The following AGPAT4 variants were observed in gnomAD, a reference collection of about 807,000 sequenced individuals.
AGPAT4 encodes the protein 1-acylglycerol-3-phosphate O-acyltransferase 4.
AGPAT4 carries 15 observed loss-of-function variants against 48.0 expected under a neutral mutation model. That is an observed-to-expected ratio of 0.31 (90% CI 0.21 to 0.48). AGPAT4 has a LOEUF of 0.48. Ranked by LOEUF, AGPAT4 falls within the 20% of genes least tolerant of loss-of-function variation. The pLI, the probability that AGPAT4 is intolerant of heterozygous loss-of-function variation, is 0.99. For synonymous variants in AGPAT4, 178 were observed against 198.7 expected (o/e 0.90, Z 0.88); for missense variants, 314 against 482.5 (o/e 0.65, Z 3.27).
rs183691175 is a variant in AGPAT4 at position 161,148,826 on chromosome 6, G to A, written c.767+361C>T. Among the ~76,000 whole-genome samples the A allele has an allele frequency of 7.2e-5, 11 of 152,234 alleles. No homozygotes were observed. Among genetic ancestry groups the A allele is most frequent in the East Asian group, 3.9e-4 (2 of 5,184 alleles). On this transcript the variant is annotated intron_variant, in intron 6 of 8. Transcript: ENST00000320285. This position sits in a 1 kb window ranked among gnomAD's most constrained non-coding sequence, Gnocchi z 5.5. Reference sequence around the variant, plus strand: ...AGAGTTCTGCATTTGTGTCTAGACCGCCTTATATAAATACACATCTGTGTG... The same window carrying A: ...AGAGTTCTGCATTTGTGTCTAGACCACCTTATATAAATACACATCTGTGTG...
rs566153510 is a variant in AGPAT4, at chr6:161,261,220, A to G, written c.-90+12718T>C. On this transcript the variant is annotated intron_variant, in intron 1 of 8. Coordinates refer to ENST00000320285, the MANE Select transcript of AGPAT4 (RefSeq NM_020133.3). The surrounding 1 kb of genome is among the most constrained non-coding windows in gnomAD (Gnocchi z 5.3). ...CCCTGTTTCTCATGGCCCCTTCTCT[A>G]TTAGCCATGAAGCTCACTGTCACAG... Among the ~76,000 whole-genome samples, 15 of 152,190 alleles carry G rather than the reference A, an allele frequency of 9.9e-5. No homozygotes were observed. In the South Asian group the frequency reaches 1.0e-3, roughly 11 times the overall value.
chr6:161,205,318 C>T (rs1455915733), intron 2 of AGPAT4, among the ~76,000 whole-genome samples: 1 of 152,108 alleles, frequency 6.6e-6, no homozygotes, highest in Non-Finnish European at 1.5e-5. Context: ...TGAGAACCAA[C>T]CCAAAGAGGA....
rs886551828 is a variant in AGPAT4, at chr6:161,158,949, T to C, written c.349-4639A>G. 2.6e-5 allele frequency among the ~76,000 whole-genome samples: 4 copies of C among 152,206 alleles called. No homozygotes were observed. Among genetic ancestry groups the C allele is most frequent in the African/African-American group, 7.2e-5 (3 of 41,458 alleles). On this transcript the variant is annotated intron_variant, in intron 3 of 8. Coordinates refer to ENST00000320285, the MANE Select transcript of AGPAT4 (RefSeq NM_020133.3). The surrounding 1 kb of genome is among the most constrained non-coding windows in gnomAD (Gnocchi z 5.3). Reference sequence around the variant, plus strand: ...TTGTTTGCAAACGTCCAGTCATTCATGAAGGTTTCCCAGTAGGGTTACCAG... The same window carrying C: ...TTGTTTGCAAACGTCCAGTCATTCACGAAGGTTTCCCAGTAGGGTTACCAG...
rs1395274856 is a variant in AGPAT4 at position 161,214,020 on chromosome 6, C to T, written c.178+18016G>A. 6.6e-6 allele frequency among the ~76,000 whole-genome samples: 1 copy of T among 152,156 alleles called. No homozygotes were observed. Among genetic ancestry groups the T allele is most frequent in the African/African-American group, 2.4e-5 (1 of 41,438 alleles). ...TGGGAACTGTTTAGGGCAAACGTGCCACCCATTCTATTCAAAGGCATCCCT... is the reference window on the plus strand; with the variant it reads ...TGGGAACTGTTTAGGGCAAACGTGCTACCCATTCTATTCAAAGGCATCCCT... On this transcript the variant is annotated intron_variant, in intron 2 of 8. Coordinates refer to ENST00000320285, the MANE Select transcript of AGPAT4 (RefSeq NM_020133.3). This position sits in a 1 kb window ranked among gnomAD's most constrained non-coding sequence, Gnocchi z 5.4.
At position 161,137,568 on chromosome 6, in the gene AGPAT4, A is replaced by G. The variant is rs139586502; in HGVS notation, c.1043-934T>C. On this transcript the variant is annotated intron_variant, in intron 8 of 8. Coordinates refer to ENST00000320285, the MANE Select transcript of AGPAT4 (RefSeq NM_020133.3). The surrounding 1 kb of genome is among the most constrained non-coding windows in gnomAD (Gnocchi z 6.1). ...GGGCTCCTGCATGGAGCGTAACAGT[A>G]ACAGTGAGAGTGGAGTTATTGTAGA... Among the ~76,000 whole-genome samples, 4 of 152,262 alleles carry G rather than the reference A, an allele frequency of 2.6e-5. No individual in the cohort carries two copies. Among genetic ancestry groups the G allele is most frequent in the Non-Finnish European group, 5.9e-5 (4 of 68,034 alleles).
intron 2 of AGPAT4, among the ~76,000 whole-genome samples, chr6:161,224,615 TG>T (rs1195772989): frequency 2.4e-5 from 3 of 126,646 alleles, no homozygotes; most frequent in Non-Finnish European, 4.7e-5. Flanking sequence ...CACTCCAGCC[TG>T]GGTGACAGAG....
At position 161,130,972 on chromosome 6, in the gene AGPAT4, A is replaced by G. The variant is rs1778883521; in HGVS notation, c.*5568T>C. On this transcript the variant is annotated 3_prime_UTR_variant, in exon 9 of 9. Coordinates refer to ENST00000320285, the MANE Select transcript of AGPAT4 (RefSeq NM_020133.3). Reference sequence around the variant, plus strand: ...ATCTGGCTAAAACTAGTACTATGGAATAGAAAAGGAAAAGTGACATTTGTG... The same window carrying G: ...ATCTGGCTAAAACTAGTACTATGGAGTAGAAAAGGAAAAGTGACATTTGTG... 1 of 496,608 alleles carries G rather than the reference A, an allele frequency of 2.0e-6. No homozygotes were observed. Among genetic ancestry groups the G allele is most frequent in the Non-Finnish European group, 4.1e-6 (1 of 246,082 alleles). 30.8% of individuals were successfully genotyped at this position (496,608 alleles called of 1,614,324 possible).
Position 161,238,129 on chromosome 6 carries a change from C to A in AGPAT4, c.-89-5827G>T, listed in dbSNP as rs376544273. Reference sequence around the variant, plus strand: ...AATGCAGCATAGTTGTTGGAGCTTCCGCTGTGGAGAGGGCACTGAGAGTCA... The same window carrying A: ...AATGCAGCATAGTTGTTGGAGCTTCAGCTGTGGAGAGGGCACTGAGAGTCA... On this transcript the variant is annotated intron_variant, in intron 1 of 8. Transcript: ENST00000320285. This position sits in a 1 kb window ranked among gnomAD's most constrained non-coding sequence, Gnocchi z 5.2. Among the ~76,000 whole-genome samples the A allele has an allele frequency of 6.6e-6, 1 of 151,952 alleles. No homozygotes were observed. The highest frequency in any genetic ancestry group is 2.1e-4 in the South Asian group (1 of 4,816).
chr6:161,252,214 G>C (rs1484648831), intron 1 of AGPAT4, among the ~76,000 whole-genome samples: 2 of 152,186 alleles, frequency 1.3e-5, no homozygotes, highest in Non-Finnish European at 2.9e-5. Context: ...GGCAGTCAGT[G>C]ACTCGTTTCT....
Position 161,229,593 on chromosome 6 carries a change from C to A in AGPAT4, c.178+2443G>T, listed in dbSNP as rs774050526. ...AGCCCTGCTAACACCTATGGGGATACCAGAAACGGAGAATCCTGGCGAGGA... is the reference window on the plus strand; with the variant it reads ...AGCCCTGCTAACACCTATGGGGATAACAGAAACGGAGAATCCTGGCGAGGA... On this transcript the variant is annotated intron_variant, in intron 2 of 8. Coordinates refer to ENST00000320285, the MANE Select transcript of AGPAT4 (RefSeq NM_020133.3). The surrounding 1 kb of genome is among the most constrained non-coding windows in gnomAD (Gnocchi z 6.0). Among the ~76,000 whole-genome samples, 11 of 152,096 alleles carry A rather than the reference C, an allele frequency of 7.2e-5. No individual in the cohort carries two copies. The highest frequency in any genetic ancestry group is 1.6e-4 in the Non-Finnish European group (11 of 68,010).
rs1780260237 is a variant in AGPAT4 at position 161,171,255 on chromosome 6, G to A, written c.179-4838C>T. On this transcript the variant is annotated intron_variant, in intron 2 of 8. Coordinates refer to ENST00000320285, the MANE Select transcript of AGPAT4 (RefSeq NM_020133.3). The surrounding 1 kb of genome is among the most constrained non-coding windows in gnomAD (Gnocchi z 4.4). ...AGCAAAGATAAGGTATTTGCTGTTT[G>A]TCTTAGTCCATTTTATGCTGCTGTA... 6.6e-6 allele frequency among the ~76,000 whole-genome samples: 1 copy of A among 152,236 alleles called. No individual in the cohort carries two copies. Among genetic ancestry groups the A allele is most frequent in the South Asian group, 2.1e-4 (1 of 4,828 alleles).
chr6:161,139,564 C>A lies in AGPAT4; in HGVS notation c.900G>T (p.Val300=). 1 of 1,613,888 alleles carries A rather than the reference C, an allele frequency of 6.2e-7. No individual in the cohort carries two copies. The highest frequency in any genetic ancestry group is 8.5e-7 in the Non-Finnish European group (1 of 1,179,896). The part of the protein sequence containing the change: ...RTGTFPETPM[V]PPRRPWTLVN... ...CGAGGGTCCAGGGCCGCCGGGGGGG[C>A]ACCATGGGCGTCTCTGGGAAGGTGC... Residue 300 remains valine (V), a synonymous_variant, in exon 8 of 9, where the codon GTG becomes GTT. Coordinates refer to ENST00000320285, the MANE Select transcript of AGPAT4 (RefSeq NM_020133.3). This position sits in a 1 kb window ranked among gnomAD's most constrained non-coding sequence, Gnocchi z 9.1.
intron 1 of AGPAT4, among the ~76,000 whole-genome samples, chr6:161,265,549 G>A (rs1440192629): frequency 6.6e-6 from 1 of 152,212 alleles, no homozygotes; most frequent in Non-Finnish European, 1.5e-5. Context: ...GACTGCAGGG[G>A]CGCAGCACTC....
rs973192547 is a variant in AGPAT4, at chr6:161,216,139, T to C, written c.178+15897A>G. ...CTCCTGCCTTGACAAGGCTTCTTCATAGTCTGACAAAGGAGACTAACACTC... is the reference window on the plus strand; with the variant it reads ...CTCCTGCCTTGACAAGGCTTCTTCACAGTCTGACAAAGGAGACTAACACTC... On this transcript the variant is annotated intron_variant, in intron 2 of 8. Coordinates refer to ENST00000320285, the MANE Select transcript of AGPAT4 (RefSeq NM_020133.3). The surrounding 1 kb of genome is among the most constrained non-coding windows in gnomAD (Gnocchi z 4.8). 2.0e-5 allele frequency among the ~76,000 whole-genome samples: 3 copies of C among 152,226 alleles called. No homozygotes were observed. The highest frequency in any genetic ancestry group is 1.5e-5 in the Non-Finnish European group (1 of 68,040).
rs1010648319 is a variant in AGPAT4, at chr6:161,132,730, G to C, written c.*3810C>G. ...TCTGTGAACATCACTTAGGAGCTAC[G>C]TCAGTTAAGGCATCGTGAGACACAG... On this transcript the variant is annotated 3_prime_UTR_variant, in exon 9 of 9. Transcript: ENST00000320285. 6.6e-6 allele frequency: 1 copy of C among 152,266 alleles called. No homozygotes were observed. The highest frequency in any genetic ancestry group is 1.5e-5 in the Non-Finnish European group (1 of 68,068). The allele number at this position is 152,266 out of a possible 1,614,324, so 9.4% of individuals were successfully genotyped here. A position where few individuals can be genotyped will look rare whatever the true frequency, so the allele number is the denominator to read the frequency against.
rs545824777 is a variant in AGPAT4 at position 161,155,027 on chromosome 6, G to A, written c.349-717C>T. ...GATGTGCTCGGTGCCCTCCACACCC[G>A]CTGCCAGCATGTCCTTGAGGCTGAG... On this transcript the variant is annotated intron_variant, in intron 3 of 8. Transcript: ENST00000320285. The surrounding 1 kb of genome is among the most constrained non-coding windows in gnomAD (Gnocchi z 5.8). 3.9e-5 allele frequency among the ~76,000 whole-genome samples: 6 copies of A among 152,318 alleles called. No individual in the cohort carries two copies. Among genetic ancestry groups the A allele is most frequent in the South Asian group, 2.1e-4 (1 of 4,826 alleles).
rs1782656420 is a variant in AGPAT4 at position 161,246,601 on chromosome 6, G to C, written c.-89-14299C>G. 6.6e-6 allele frequency among the ~76,000 whole-genome samples: 1 copy of C among 152,022 alleles called. No individual in the cohort carries two copies. The highest frequency in any genetic ancestry group is 2.4e-5 in the African/African-American group (1 of 41,374). The stretch of plus-strand genomic sequence containing the variant: ...ATTTTGTATTTTTAGTCTAGATGGG[G>C]TTTCTCCATGTTGGTCAGGCTGGTC... On this transcript the variant is annotated intron_variant, in intron 1 of 8. Transcript: ENST00000320285. The surrounding 1 kb of genome is among the most constrained non-coding windows in gnomAD (Gnocchi z 5.5).
At chr6:161,237,989 C>G (rs776715071) in intron 1 of AGPAT4, among the ~76,000 whole-genome samples, 2 of 145,552 alleles carry the variant, frequency 1.4e-5, no homozygotes, top group Non-Finnish European at 3.0e-5. Flanking sequence ...AAGCACCAGA[C>G]AAGAGAAATT....
In AGPAT4 at chr6:161,155,680, C is replaced by T. The variant is rs1779748758; in HGVS notation, c.349-1370G>A. On this transcript the variant is annotated intron_variant, in intron 3 of 8. Coordinates refer to ENST00000320285, the MANE Select transcript of AGPAT4 (RefSeq NM_020133.3). This position sits in a 1 kb window ranked among gnomAD's most constrained non-coding sequence, Gnocchi z 5.8. Reference sequence around the variant, plus strand: ...ACAAATCCAACATGCAGATTCTCTCCAAGAAAACTTAGCCATGAAATCGGA... The same window carrying T: ...ACAAATCCAACATGCAGATTCTCTCTAAGAAAACTTAGCCATGAAATCGGA... 6.6e-6 allele frequency among the ~76,000 whole-genome samples: 1 copy of T among 152,206 alleles called. No individual in the cohort carries two copies. Among genetic ancestry groups the T allele is most frequent in the South Asian group, 2.1e-4 (1 of 4,826 alleles).
Sources: allele counts gnomAD v4.1 joint callset (sites outside exome capture counted in the v4.1 genomes callset), GRCh38; gene constraint gnomAD v4.1.1; non-coding constraint Gnocchi (gnomAD v3.1); transcripts MANE v1.5; gene names NCBI Gene and HGNC (gene_info 2026-07-23, HGNC 2026-07-21).